RAC2: variants seen among roughly 807,000 people sequenced by gnomAD.
RAC2 encodes ras-related C3 botulinum toxin substrate 2.
RAC2 carries 1 observed loss-of-function variant against 24.0 expected under a neutral mutation model. The observed-to-expected ratio is 0.04, with a 90% CI of 0.01 to 0.20. The LOEUF (loss-of-function observed/expected upper bound fraction) is 0.20. Ranked by LOEUF, RAC2 falls within the 10% of genes least tolerant of loss-of-function variation. The pLI, the probability that RAC2 is intolerant of heterozygous loss-of-function variation, is 1.00. For synonymous variants in RAC2, 114 were observed against 106.8 expected, an observed-to-expected ratio of 1.07 and a Z score of -0.41; for missense variants, 130 against 259.1, an observed-to-expected ratio of 0.50 and a Z score of 3.42.
Position 37,231,266 on chromosome 22 carries a change from G to A in RAC2, c.413C>T (p.Thr138Ile). 1.9e-6 allele frequency: 3 copies of A among 1,613,796 alleles called. No homozygotes were observed. Among genetic ancestry groups the A allele is most frequent in the Non-Finnish European group, 2.5e-6 (3 of 1,180,014 alleles). The change falls in exon 5 of 7, where the codon ACC becomes ATC. Residue 138 changes from threonine (T) to isoleucine (I), a missense_variant. By Grantham distance (89) the Thr-to-Ile change is moderately conservative. Coordinates refer to ENST00000249071, the MANE Select transcript of RAC2 (RefSeq NM_002872.5). This position sits in a 1 kb window ranked among gnomAD's most constrained non-coding sequence, Gnocchi z 5.5. ...GGCCAGTGCCAGGCCCTGCGGGTAG[G>A]TGATGGGAGCCAGCTTCTTCTCCTT... The part of the protein sequence containing the change: ...KLKEKKLAPI[T>I]YPQGLALAKE...
rs6000621 is a variant in RAC2 at position 37,233,596 on chromosome 22, G to A, written c.108-678C>T. Among the ~76,000 whole-genome samples the A allele has an allele frequency of 6.6e-5, 10 of 152,288 alleles. No individual in the cohort carries two copies. In the East Asian group the frequency reaches 1.2e-3, roughly 18 times the overall value. ...CTGCGCCCAGCCGCAATATTTTGTC[G>A]AATGAATGTTCATCCCGTCTCAGGC... On this transcript the variant is annotated intron_variant, in intron 2 of 6. Coordinates refer to ENST00000249071, the MANE Select transcript of RAC2 (RefSeq NM_002872.5).
chr22:37,243,899 C>T (rs1223283306), intron 1 of RAC2, among the ~76,000 whole-genome samples: 4 of 152,156 alleles, frequency 2.6e-5, no homozygotes, highest in Non-Finnish European at 5.9e-5. Context: ...ACCGAGATGG[C>T]TTCTGGGGTG....
At chr22:37,229,402 A>G (rs1926988320) in intron 5 of RAC2, among the ~76,000 whole-genome samples, 1 of 152,196 alleles carries the variant, frequency 6.6e-6, no homozygotes, top group Non-Finnish European at 1.5e-5. Flanking sequence ...GGTGGCCTTA[A>G]GCCAGCAACA....
At chr22:37,237,723 G>A (rs904034411) in intron 2 of RAC2, among the ~76,000 whole-genome samples, 1 of 152,116 alleles carries the variant, frequency 6.6e-6, no homozygotes, top group African/African-American at 2.4e-5. Flanking sequence ...CCGGGGTCGG[G>A]GAGGCAGTCA....
intron 1 of RAC2, among the ~76,000 whole-genome samples, chr22:37,243,787 C>T (rs887834045): frequency 1.3e-5 from 2 of 152,226 alleles, no homozygotes; most frequent in African/African-American, 4.8e-5. Context: ...CCTGCATCCA[C>T]AGAGTAAAGA....
chr22:37,232,628 G>GTGCATTGGTTCCCGGGACA, intron 3 of RAC2, 173 bp downstream of exon 3: 1 of 650,776 alleles, frequency 1.5e-6, no homozygotes, highest in South Asian at 1.7e-5. Flanking sequence ...GGCTGAGGGA[G>GTGCATTGGTTCCCGGGACA]TGCAAGAGGA....
chr22:37,234,444 G>A (rs1256212554), intron 2 of RAC2, among the ~76,000 whole-genome samples: 2 of 152,168 alleles, frequency 1.3e-5, no homozygotes. Flanking sequence ...AGAAACCAGT[G>A]ACCACGACCA....
At chr22:37,236,131 T>G (rs1927214733) in intron 2 of RAC2, among the ~76,000 whole-genome samples, 1 of 152,158 alleles carries the variant, frequency 6.6e-6, no homozygotes. Flanking sequence ...ATCTCTTTAA[T>G]GTGGAGGGGA....
intron 2 of RAC2, among the ~76,000 whole-genome samples, chr22:37,238,986 C>G (rs1927315998): frequency 6.6e-6 from 1 of 152,182 alleles, no homozygotes; most frequent in Admixed American, 6.5e-5. Context: ...CCCAGCAAAC[C>G]TACCATCCTC....
rs72487640 is a variant in RAC2, at chr22:37,226,945, C to T, written c.449-142G>A. ...ACCCCTCCCACGCCATACACCCTCC[C>T]GTGCCATACACCCCTCCCACGCCAT... On this transcript the variant is annotated intron_variant, in intron 5 of 6. Transcript: ENST00000249071. 4.9e-4 allele frequency: 445 copies of T among 902,434 alleles called. 2 individuals are homozygous for T. Among genetic ancestry groups the T allele is most frequent in the Non-Finnish European group, 3.8e-4 (242 of 640,336 alleles). The allele number at this position is 902,434 out of a possible 1,614,324, so 55.9% of individuals were successfully genotyped here.
At chr22:37,226,857 G>C in intron 5 of RAC2, 54 bp from the exon 6 acceptor site, 1 of 1,547,900 alleles carries the variant, frequency 6.5e-7, no homozygotes, top group Non-Finnish European at 8.8e-7. Flanking sequence ...GGGGGGTTCT[G>C]GGCCAACATG....
rs1211433638 is a variant in RAC2, at chr22:37,233,939, G to A, written c.108-1021C>T. ...CCTTTCAGCCCACCCCAGAGTGTGCGTGAAAGCTGTTAGTCACTGGCCATG... is the reference window on the plus strand; with the variant it reads ...CCTTTCAGCCCACCCCAGAGTGTGCATGAAAGCTGTTAGTCACTGGCCATG... On this transcript the variant is annotated intron_variant, in intron 2 of 6. Transcript: ENST00000249071. 2.6e-5 allele frequency among the ~76,000 whole-genome samples: 4 copies of A among 152,300 alleles called. No homozygotes were observed. In the East Asian group the frequency reaches 7.7e-4, roughly 29 times the overall value.
chr22:37,244,126 AC>A lies in RAC2; in HGVS notation c.22del (p.Val8TrpfsTer37). 6.2e-7 allele frequency: 1 copy of A among 1,614,134 alleles called. No homozygotes were observed. The highest frequency in any genetic ancestry group is 8.5e-7 in the Non-Finnish European group (1 of 1,180,004). On this transcript the variant is annotated frameshift_variant, in exon 1 of 7. Transcript: ENST00000249071. LOFTEE classifies it high-confidence loss of function. MQAIKCV[V>X]VGDGAVGKTC... is the part of the protein sequence containing the mutation. ...GCCAGGTACCTACCCATCTCCCACCACCACACACTTGATGGCCTGCATCGTG... is the reference window on the plus strand; with the variant it reads ...GCCAGGTACCTACCCATCTCCCACCACACACACTTGATGGCCTGCATCGTG...
In RAC2 at chr22:37,231,580, G is replaced by A. The variant is rs367867165; in HGVS notation, c.289-190C>T. 4 of 619,678 alleles carry A rather than the reference G, an allele frequency of 6.5e-6. No homozygotes were observed. In the African/African-American group the frequency reaches 7.4e-5, roughly 11 times the overall value. 38.4% of individuals were successfully genotyped at this position (619,678 alleles called of 1,614,324 possible). ...CAGGGAGGGGAGGCCACGACGTTGT[G>A]CAGGAAGGAGGGGGCGCATGATTGT... On this transcript the variant is annotated intron_variant, in intron 4 of 6. Transcript: ENST00000249071. The surrounding 1 kb of genome is among the most constrained non-coding windows in gnomAD (Gnocchi z 5.5).
In RAC2 at chr22:37,243,197, G is replaced by A. The variant is rs559502035; in HGVS notation, c.35+917C>T. On this transcript the variant is annotated intron_variant, in intron 1 of 6. Transcript: ENST00000249071. ...AATTTTTTTATAGACATAGGTTCTC[G>A]CTATGATGCTTAGGCTGGTCTCAAG... Among the ~76,000 whole-genome samples the A allele has an allele frequency of 7.2e-5, 11 of 152,198 alleles. No individual in the cohort carries two copies. The South Asian group carries it at 2.3e-3, about 32-fold the overall frequency.
At chr22:37,236,452 A>G (rs1248768462) in intron 2 of RAC2, among the ~76,000 whole-genome samples, 2 of 152,226 alleles carry the variant, frequency 1.3e-5, no homozygotes. Context: ...TACAGAGAGG[A>G]AGGGACTTGC....
intron 1 of RAC2, 87 bp from the exon 2 acceptor site, chr22:37,241,745 TCAGCATCCACC>T: frequency 8.1e-7 from 1 of 1,233,418 alleles, no homozygotes; most frequent in Non-Finnish European, 1.2e-6. Context: ...TGCAAAGACC[TCAGCATCCACC>T]CAGCCTAGCC....
intron 1 of RAC2, 32 bp downstream of exon 1, chr22:37,244,082 G>C (rs376434337): frequency 8.1e-6 from 13 of 1,613,662 alleles, no homozygotes; most frequent in Non-Finnish European, 8.5e-6. Flanking sequence ...ATCCCAGTTG[G>C]GGGCTGTGAG....
chr22:37,229,793 A>C (rs1486633173), intron 5 of RAC2, among the ~76,000 whole-genome samples: 1 of 152,218 alleles, frequency 6.6e-6, no homozygotes, highest in African/African-American at 2.4e-5. Flanking sequence ...GGGATTGTCC[A>C]GGTCAGCTTA....
Sources: gnomAD v4.1 joint callset for allele counts (sites outside exome capture counted in the v4.1 genomes callset) on GRCh38, gnomAD v4.1.1 for gene constraint, Gnocchi (gnomAD v3.1) non-coding constraint, MANE v1.5 for transcripts, NCBI Gene and HGNC (gene_info 2026-07-23, HGNC 2026-07-21) for gene names.